Variants in CNTNAP2 observed in about 807,000 individuals in gnomAD.
CNTNAP2 encodes the protein contactin-associated protein-like 2.
A neutral mutation model predicts 155.2 loss-of-function variants in CNTNAP2; 98 were observed. The ratio of observed to expected loss-of-function variants is 0.63; its 90% CI spans 0.54 to 0.75. The LOEUF (loss-of-function observed/expected upper bound fraction) is 0.75. CNTNAP2 is among the 30% of genes least tolerant of loss of function. CNTNAP2 has a pLI of 0.00. For synonymous variants in CNTNAP2, 651 were observed against 631.2 expected (o/e 1.03, Z -0.47); for missense variants, 1,727 against 1,688.1 (o/e 1.02, Z -0.40).
intron 22 of CNTNAP2, among the ~76,000 whole-genome samples, chr7:148,392,178 A>C (rs1799366005): frequency 7.1e-6 from 1 of 140,966 alleles, no homozygotes; most frequent in African/African-American, 2.8e-5. Context: ...GGTACAAGCA[A>C]TTCTACTGCC....
At chr7:147,543,965 A>G (rs1799683783) in intron 11 of CNTNAP2, among the ~76,000 whole-genome samples, 1 of 152,180 alleles carries the variant, frequency 6.6e-6, no homozygotes, top group African/African-American at 2.4e-5. Flanking sequence ...ATTAGTTTTA[A>G]ACACAAAGCT....
At chr7:147,038,533 T>A in intron 3 of CNTNAP2, among the ~76,000 whole-genome samples, 1 of 152,210 alleles carries the variant, frequency 6.6e-6, no homozygotes, top group Admixed American at 6.5e-5. Context: ...TTTCTCTGAC[T>A]TCCACTCCTT....
At chr7:146,200,766 G>T (rs966920281) in intron 1 of CNTNAP2, among the ~76,000 whole-genome samples, 5 of 152,012 alleles carry the variant, frequency 3.3e-5, no homozygotes, top group African/African-American at 1.2e-4. Flanking sequence ...GGAATCCCCT[G>T]GAGGACACAT....
chr7:147,523,155 G>T (rs534899085), intron 11 of CNTNAP2, among the ~76,000 whole-genome samples: 1 of 152,290 alleles, frequency 6.6e-6, no homozygotes, highest in African/African-American at 2.4e-5. Context: ...AGAGGGTAAA[G>T]ATCCACTTCC....
chr7:147,484,950 C>T (rs1798485636), intron 10 of CNTNAP2, among the ~76,000 whole-genome samples: 1 of 152,172 alleles, frequency 6.6e-6, no homozygotes, highest in Non-Finnish European at 1.5e-5. Context: ...CCTTTGTTAT[C>T]TGTGAGCATC....
rs549934006 is a variant in CNTNAP2, at chr7:146,186,067, C to G, written c.97+69094C>G. On this transcript the variant is annotated intron_variant, in intron 1 of 23. Transcript: ENST00000361727. ...TGCGTAATAGATGTGTCAGTGCATA[C>G]AGCCAGATTTTTGTTAAGGATTGTA... 2.6e-5 allele frequency among the ~76,000 whole-genome samples: 4 copies of G among 152,214 alleles called. No homozygotes were observed. The South Asian group carries it at 8.3e-4, about 32-fold the overall frequency.
At position 148,097,476 on chromosome 7, in the gene CNTNAP2, T is replaced by C. The variant is rs536651386; in HGVS notation, c.2384-20642T>C. Among the ~76,000 whole-genome samples, 5 of 152,290 alleles carry C rather than the reference T, an allele frequency of 3.3e-5. 1 individual carries two copies. The highest frequency in any genetic ancestry group is 9.6e-5 in the African/African-American group (4 of 41,570). On this transcript the variant is annotated intron_variant, in intron 15 of 23. Transcript: ENST00000361727. ...AGTAGTTTGTCACATGATATCATTT[T>C]TAAGCTACTCTTTTTTGGGGGGGCG...
chr7:146,876,728 A>C (rs1249611014), intron 3 of CNTNAP2, among the ~76,000 whole-genome samples: 1 of 152,110 alleles, frequency 6.6e-6, no homozygotes, highest in African/African-American at 2.4e-5. Flanking sequence ...AATAATGTGT[A>C]TTGTTGATTA....
intron 1 of CNTNAP2, among the ~76,000 whole-genome samples, chr7:146,773,934 A>G (rs1240803496): frequency 1.3e-5 from 2 of 152,182 alleles, no homozygotes; most frequent in African/African-American, 4.8e-5. Context: ...TATAATGTAT[A>G]AATACCTGAA....
At chr7:147,826,067 C>T (rs1798445233) in intron 13 of CNTNAP2, among the ~76,000 whole-genome samples, 1 of 152,096 alleles carries the variant, frequency 6.6e-6, no homozygotes, top group African/African-American at 2.4e-5. Flanking sequence ...AGGCATTCTC[C>T]TATAAGCCAG....
intron 9 of CNTNAP2, among the ~76,000 whole-genome samples, chr7:147,361,972 TTTGA>T (rs1403788652): frequency 2.6e-5 from 4 of 152,180 alleles, no homozygotes; most frequent in Non-Finnish European, 5.9e-5. Flanking sequence ...CACTTCTGTG[TTTGA>T]CACTGAGACT....
intron 10 of CNTNAP2, among the ~76,000 whole-genome samples, chr7:147,417,909 C>T (rs1025136245): frequency 1.2e-4 from 19 of 152,294 alleles, no homozygotes; most frequent in Middle Eastern, 3.4e-3. Flanking sequence ...CATAAAAGTT[C>T]ACGCAATTAT....
chr7:146,470,957 T>C (rs62503527), intron 1 of CNTNAP2, among the ~76,000 whole-genome samples: 15,722 of 152,136 alleles, frequency 0.1, 855 homozygotes, highest in African/African-American at 0.12. Flanking sequence ...ACAAGAATTC[T>C]GTAAAAAGTC....
chr7:146,822,252 A>G (rs1330556798), intron 2 of CNTNAP2, among the ~76,000 whole-genome samples: 2 of 152,058 alleles, frequency 1.3e-5, no homozygotes, highest in Non-Finnish European at 2.9e-5. Flanking sequence ...GTTCTCACTC[A>G]TATGTGGGAA....
intron 3 of CNTNAP2, among the ~76,000 whole-genome samples, chr7:146,937,957 A>G (rs1430269988): frequency 1.3e-5 from 2 of 152,186 alleles, no homozygotes; most frequent in Admixed American, 6.5e-5. Context: ...CATATTTACA[A>G]TGATCTGATT....
At chr7:147,034,838 G>A (rs1252338978) in intron 3 of CNTNAP2, among the ~76,000 whole-genome samples, 1 of 152,136 alleles carries the variant, frequency 6.6e-6, no homozygotes, top group Admixed American at 6.5e-5. Context: ...GACACTTGTG[G>A]CTGTGTCCAC....
intron 17 of CNTNAP2, among the ~76,000 whole-genome samples, chr7:148,157,539 A>G (rs1326018096): frequency 1.3e-5 from 2 of 148,570 alleles, no homozygotes; most frequent in Admixed American, 1.4e-4. Flanking sequence ...GGAACCACAG[A>G]CTGAAATCAA....
chr7:147,634,619 G>A (rs1358155664), intron 12 of CNTNAP2, among the ~76,000 whole-genome samples: 2 of 151,806 alleles, frequency 1.3e-5, no homozygotes, highest in Non-Finnish European at 2.9e-5. Context: ...TAAACATTGT[G>A]CTTTCTCAGA....
At chr7:147,965,970 A>G (rs1202369734) in intron 14 of CNTNAP2, among the ~76,000 whole-genome samples, 1 of 152,148 alleles carries the variant, frequency 6.6e-6, no homozygotes, top group African/African-American at 2.4e-5. Context: ...GGCCTTACAG[A>G]CTTCAGAGAT....
Sources: allele counts gnomAD v4.1 joint callset (sites outside exome capture counted in the v4.1 genomes callset), GRCh38; gene constraint gnomAD v4.1.1; transcripts MANE v1.5; gene names NCBI Gene and HGNC (gene_info 2026-07-23, HGNC 2026-07-21).